Variants in ZNF780B observed in about 807,000 individuals in gnomAD.
ZNF780B encodes the protein zinc finger protein 780B, also known as zinc finger protein 779.
A neutral mutation model predicts 74.1 loss-of-function variants in ZNF780B; 52 were observed. That is an observed-to-expected ratio of 0.70 (90% confidence interval 0.56 to 0.88). The LOEUF (loss-of-function observed/expected upper bound fraction) is 0.88. Ranked by LOEUF, ZNF780B falls within the 40% of genes least tolerant of loss-of-function variation. The pLI is 0.00. For missense variants in ZNF780B, 953 were observed against 1,007.6 expected, an observed-to-expected ratio of 0.95 and a Z score of 0.73; for synonymous variants, 315 against 324.3, an observed-to-expected ratio of 0.97 and a Z score of 0.31.
At chr19:40,050,761 C>G (rs1331971915) in intron 1 of ZNF780B, among the ~76,000 whole-genome samples, 1 of 152,196 alleles carries the variant, frequency 6.6e-6, no homozygotes, top group African/African-American at 2.4e-5. Flanking sequence ...CCTTTCAGAG[C>G]TGAGAAGGGC....
rs1299610864 is a variant in ZNF780B at position 40,052,693 on chromosome 19, A to G, written c.-45-2316T>C. Among the ~76,000 whole-genome samples, 3 of 152,204 alleles carry G rather than the reference A, an allele frequency of 2.0e-5. No homozygotes were observed. In the East Asian group the frequency reaches 5.8e-4, roughly 29 times the overall value. The stretch of plus-strand genomic sequence containing the variant: ...ACTACCTGACTTCAATATATACTAC[A>G]AAGCTATAGTAACCAAAACAGCATG... On this transcript the variant is annotated intron_variant, in intron 1 of 4. Coordinates refer to ENST00000434248, the MANE Select transcript of ZNF780B (RefSeq NM_001005851.3).
intron 4 of ZNF780B, among the ~76,000 whole-genome samples, chr19:40,045,614 T>A (rs947054849): frequency 6.6e-6 from 1 of 152,194 alleles, no homozygotes; most frequent in Non-Finnish European, 1.5e-5. Flanking sequence ...ATGTGATATA[T>A]ACACATGGAA....
At chr19:40,051,377 G>A (rs1239804821) in intron 1 of ZNF780B, among the ~76,000 whole-genome samples, 1 of 151,132 alleles carries the variant, frequency 6.6e-6, no homozygotes, top group African/African-American at 2.4e-5. Context: ...TTCAACGTGG[G>A]GACAAAAAAA....
Position 40,036,045 on chromosome 19 carries a change from C to A in ZNF780B, c.814G>T (p.Ala272Ser), listed in dbSNP as rs1599764569. 3.1e-6 allele frequency: 5 copies of A among 1,613,674 alleles called. No homozygotes were observed. The highest frequency in any genetic ancestry group is 3.3e-5 in the Admixed American group (2 of 59,982). Residue 272 changes from alanine (A) to serine (S), a missense_variant, in exon 5 of 5, where the codon GCT (alanine) becomes TCT (serine). Physicochemically the swap from Ala to Ser is moderately conservative, Grantham distance 99. Coordinates refer to ENST00000434248, the MANE Select transcript of ZNF780B (RefSeq NM_001005851.3). ...TTACATTGATATGGTTTTACACCAGCATGAATACTTTGATGCTGAGTAAGG... is the reference window on the plus strand; with the variant it reads ...TTACATTGATATGGTTTTACACCAGAATGAATACTTTGATGCTGAGTAAGG... ...SNLTQHQSIH[A>S]GVKPYQCKEC...
At chr19:40,040,639 G>T (rs1030285659) in intron 4 of ZNF780B, among the ~76,000 whole-genome samples, 67 of 152,136 alleles carry the variant, frequency 4.4e-4, no homozygotes, top group African/African-American at 1.5e-3. Context: ...TTAGTCTTGG[G>T]AGGGTGTATG....
In ZNF780B at chr19:40,033,894, G is replaced by A. The variant is rs534378492; in HGVS notation, c.*463C>T. On this transcript the variant is annotated 3_prime_UTR_variant, in exon 5 of 5. Transcript: ENST00000434248. ...AATTTTAACATGTTGAACAAGGCTC[G>A]AGCTACAAGTAAAGGTCTTTCCACA... is the stretch of plus-strand genomic sequence containing the variant. 5.6e-5 allele frequency: 10 copies of A among 177,518 alleles called. No individual in the cohort carries two copies. Among genetic ancestry groups the A allele is most frequent in the South Asian group, 1.3e-4 (1 of 7,482 alleles). The allele number at this position is 177,518 out of a possible 1,614,324, so 11.0% of individuals were successfully genotyped here.
chr19:40,034,300 C>G lies in ZNF780B; in HGVS notation c.*57G>C. Reference sequence around the variant, plus strand: ...TCACGAATATGAAATCTATAATGTCCATGAAATTGGTAATGATATTGAAAG... The same window carrying G: ...TCACGAATATGAAATCTATAATGTCGATGAAATTGGTAATGATATTGAAAG... On this transcript the variant is annotated 3_prime_UTR_variant, in exon 5 of 5. Coordinates refer to ENST00000434248, the MANE Select transcript of ZNF780B (RefSeq NM_001005851.3). 7.3e-7 allele frequency: 1 copy of G among 1,377,922 alleles called. No homozygotes were observed. The highest frequency in any genetic ancestry group is 1.0e-6 in the Non-Finnish European group (1 of 996,812). The allele number at this position is 1,377,922 out of a possible 1,614,324, so 85.4% of individuals were successfully genotyped here.
At position 40,048,862 on chromosome 19, in the gene ZNF780B, A is replaced by C. The variant is rs201022895; in HGVS notation, c.10-66T>G. ...AGTTGTTTCAAGACGAAAGGAGAGG[A>C]AGTGAAGGATTAAACTGCAATAAAG... On this transcript the variant is annotated intron_variant, in intron 2 of 4. Transcript: ENST00000434248. 5.6e-5 allele frequency: 90 copies of C among 1,605,318 alleles called. 1 individual carries two copies. Among genetic ancestry groups the C allele is most frequent in the South Asian group, 3.8e-4 (34 of 89,750 alleles).
At chr19:40,044,266 C>A (rs369956104) in intron 4 of ZNF780B, among the ~76,000 whole-genome samples, 228 of 152,278 alleles carry the variant, frequency 1.5e-3, no homozygotes, top group African/African-American at 5.1e-3. Context: ...ATGCAGACAT[C>A]TTGATACAGG....
chr19:40,046,396 A>G (rs1972934221), intron 4 of ZNF780B, among the ~76,000 whole-genome samples: 1 of 152,222 alleles, frequency 6.6e-6, no homozygotes. Flanking sequence ...ATTGGGTATC[A>G]ATTAAAAATG....
intron 4 of ZNF780B, among the ~76,000 whole-genome samples, chr19:40,037,889 T>C (rs944423899): frequency 1.3e-5 from 2 of 149,600 alleles, no homozygotes; most frequent in Admixed American, 6.7e-5. Flanking sequence ...TTTTTTTTTT[T>C]CTGTTTATAT....
chr19:40,034,530 C>A lies in ZNF780B; in HGVS notation c.2329G>T (p.Gly777Cys), dbSNP rs1325613274. 1.2e-6 allele frequency: 2 copies of A among 1,613,792 alleles called. No individual in the cohort carries two copies. Among genetic ancestry groups the A allele is most frequent in the African/African-American group, 1.3e-5 (1 of 74,832 alleles). The change falls in exon 5 of 5, where the codon GGT (glycine) becomes TGT (cysteine). Residue 777 changes from glycine to cysteine, a missense_variant. Gly to Cys is a radical substitution (Grantham distance 159, BLOSUM62 -3). Transcript: ENST00000434248. ...NLVQPQSIHT[G>C]EKPYECKECG... The stretch of plus-strand genomic sequence containing the variant: ...TCCTTACATTCATAGGGTTTCTCAC[C>A]AGTATGAATACTCTGAGGTTGAACA...
intron 4 of ZNF780B, among the ~76,000 whole-genome samples, chr19:40,043,511 G>T (rs1207047131): frequency 6.6e-6 from 1 of 152,244 alleles, no homozygotes; most frequent in Non-Finnish European, 1.5e-5. Context: ...CCCAGAGGTG[G>T]AGCCTACAGA....
In ZNF780B at chr19:40,031,085, T is replaced by G. The variant is rs981333989; in HGVS notation, c.*3272A>C. ...GAATAATCATCTGACCAGGGTATAT[T>G]CATAAAAAGAAGAAAGCTATCAATA... On this transcript the variant is annotated 3_prime_UTR_variant, in exon 5 of 5. Coordinates refer to ENST00000434248, the MANE Select transcript of ZNF780B (RefSeq NM_001005851.3). 12 of 152,218 alleles carry G rather than the reference T, an allele frequency of 7.9e-5. No individual in the cohort carries two copies. The highest frequency in any genetic ancestry group is 2.9e-4 in the African/African-American group (12 of 41,450). 9.4% of individuals were successfully genotyped at this position (152,218 alleles called of 1,614,324 possible). A position where few individuals can be genotyped will look rare whatever the true frequency, so the allele number is the denominator to read the frequency against.
chr19:40,036,565 A>G lies in ZNF780B; in HGVS notation c.294T>C (p.Asn98=), dbSNP rs1340838763. 7 of 1,570,642 alleles carry G rather than the reference A, an allele frequency of 4.5e-6. No individual in the cohort carries two copies. In the East Asian group the frequency reaches 1.1e-4, roughly 25 times the overall value. The change falls in exon 5 of 5, where the codon AAT becomes AAC. Residue 98 remains asparagine, a synonymous_variant. Coordinates refer to ENST00000434248, the MANE Select transcript of ZNF780B (RefSeq NM_001005851.3). ...TTTGCTTTATAACATGTTTGGGTAA[A>G]TTTATTTCAAAAATATCATTTTCTG... ...ISPENDIFEI[N]LPKHVIKQIS...
intron 1 of ZNF780B, among the ~76,000 whole-genome samples, chr19:40,055,015 G>T (rs1441615265): frequency 6.6e-6 from 1 of 152,220 alleles, no homozygotes; most frequent in Non-Finnish European, 1.5e-5. Context: ...AAGCCTCACA[G>T]ACGAATGGAA....
chr19:40,035,137 T>C lies in ZNF780B; in HGVS notation c.1722A>G (p.Gln574=). The change falls in exon 5 of 5, where the codon CAA becomes CAG. Residue 574 remains glutamine, a synonymous_variant. Transcript: ENST00000434248. ...TCTTTCCGGTATGAATACTTCGATGTTGATTAAGATTTGAACCACGACGAA... is the reference window on the plus strand; with the variant it reads ...TCTTTCCGGTATGAATACTTCGATGCTGATTAAGATTTGAACCACGACGAA... ...KFFRRGSNLN[Q]HRSIHTGKKP... 1 of 1,613,530 alleles carries C rather than the reference T, an allele frequency of 6.2e-7. No individual in the cohort carries two copies. The highest frequency in any genetic ancestry group is 2.2e-5 in the East Asian group (1 of 44,852).
At chr19:40,045,794 C>G (rs1972907765) in intron 4 of ZNF780B, among the ~76,000 whole-genome samples, 1 of 152,050 alleles carries the variant, frequency 6.6e-6, no homozygotes, top group African/African-American at 2.4e-5. Flanking sequence ...TTGAGACCAG[C>G]CTGGCCAATG....
At chr19:40,055,025 A>T (rs1018735031) in intron 1 of ZNF780B, among the ~76,000 whole-genome samples, 1 of 152,240 alleles carries the variant, frequency 6.6e-6, no homozygotes, top group Admixed American at 6.5e-5. Context: ...GACGAATGGA[A>T]ATCACCCAAC....
Sources: allele counts gnomAD v4.1 joint callset (sites outside exome capture counted in the v4.1 genomes callset), GRCh38; gene constraint gnomAD v4.1.1; transcripts MANE v1.5; gene names NCBI Gene and HGNC (gene_info 2026-07-23, HGNC 2026-07-21).